The following COL4A4 variants were observed in gnomAD, a reference collection of about 807,000 sequenced individuals.
The protein encoded by COL4A4 is collagen type IV alpha 4 chain.
Under a neutral mutation model 192.9 loss-of-function variants are expected in COL4A4, and 105 were observed. That is an observed-to-expected ratio of 0.54 (90% CI 0.46 to 0.64). The LOEUF (loss-of-function observed/expected upper bound fraction) is 0.64. Among genes scored for constraint, COL4A4 ranks in the 30% least tolerant of loss-of-function variants. COL4A4 has a pLI of 0.00. For missense variants in COL4A4, 1,967 were observed against 2,169.3 expected (o/e 0.91, Z 1.85); for synonymous variants, 762 against 769.9 (o/e 0.99, Z 0.17).
intron 12 of COL4A4, among the ~76,000 whole-genome samples, chr2:227,105,252 G>A (rs948547918): frequency 3.6e-5 from 5 of 139,452 alleles, no homozygotes; most frequent in South Asian, 4.6e-4. Flanking sequence ...GCACAATGGC[G>A]CAATCTCAGC....
intron 9 of COL4A4, among the ~76,000 whole-genome samples, chr2:227,110,830 G>A (rs10181461): frequency 0.2 from 30,188 of 151,436 alleles, 4,900 homozygotes; most frequent in African/African-American, 0.44. Context: ...TTGTAGGTAC[G>A]CGCCACCACG....
Position 227,060,159 on chromosome 2 carries a change from G to C in COL4A4, c.2141C>G (p.Thr714Arg). Residue 714 changes from threonine to arginine, a missense_variant, in exon 27 of 48, where the codon ACA becomes AGA. Transcript: ENST00000396625. The part of the protein sequence containing the change: ...GHKGRPGTPG[T>R]AEIPGPPGFR... ...ACCAGGTGGACCTGGTATTTCCGCT[G>C]TTCCTGGTGTGCCAGGTCTGCCTTT... is the stretch of plus-strand genomic sequence containing the variant. 6.6e-7 allele frequency: 1 copy of C among 1,506,172 alleles called. No individual in the cohort carries two copies. The highest frequency in any genetic ancestry group is 1.8e-5 in the Admixed American group (1 of 55,566). 93.3% of individuals were successfully genotyped at this position (1,506,172 alleles called of 1,614,324 possible). A position where few individuals can be genotyped will look rare whatever the true frequency, so the allele number is the denominator to read the frequency against.
intron 14 of COL4A4, 21 bp from the exon 15 acceptor site, chr2:227,102,869 T>A: frequency 6.3e-7 from 1 of 1,592,074 alleles, no homozygotes; most frequent in Non-Finnish European, 8.6e-7. Flanking sequence ...TGACAACATT[T>A]AGAGGGGTTC....
At chr2:227,147,267 A>T (rs760887407) in intron 2 of COL4A4, 146 bp downstream of exon 2, 1 of 790,718 alleles carries the variant, frequency 1.3e-6, no homozygotes, top group South Asian at 1.3e-5. Flanking sequence ...AATAAAAATG[A>T]GTCATGAAAT....
the COL4A4 span, chr2:226,997,267 T>C: frequency 6.6e-6 from 1 of 152,364 alleles, no homozygotes; most frequent in South Asian, 2.1e-4. Context: ...AATTAAAATA[T>C]TCAAGCTAAA....
At chr2:227,065,291 G>C (rs1038312484) in intron 25 of COL4A4, among the ~76,000 whole-genome samples, 3 of 152,150 alleles carry the variant, frequency 2.0e-5, no homozygotes, top group Non-Finnish European at 4.4e-5. Context: ...AGGCGGCAGC[G>C]AGGCTGGGGG....
At chr2:227,154,969 C>A (rs1187217838) in intron 1 of COL4A4, among the ~76,000 whole-genome samples, 1 of 152,158 alleles carries the variant, frequency 6.6e-6, no homozygotes, top group Non-Finnish European at 1.5e-5. Flanking sequence ...TTGGTTTGAG[C>A]TCTTTAGCAA....
At chr2:227,019,247 A>C (rs1486151701) in intron 44 of COL4A4, among the ~76,000 whole-genome samples, 1 of 152,238 alleles carries the variant, frequency 6.6e-6, no homozygotes, top group African/African-American at 2.4e-5. Flanking sequence ...TGCAGCTAGG[A>C]CTGCCTTGCT....
chr2:227,111,963 T>C (rs1254581447), intron 8 of COL4A4, among the ~76,000 whole-genome samples: 2 of 152,198 alleles, frequency 1.3e-5, no homozygotes, highest in East Asian at 3.8e-4. Flanking sequence ...ATGAGATTTT[T>C]TCTTTGTTTA....
chr2:227,154,151 T>C (rs560024463), intron 1 of COL4A4, among the ~76,000 whole-genome samples: 5 of 152,324 alleles, frequency 3.3e-5, no homozygotes, highest in African/African-American at 1.2e-4. Context: ...ATTCAGCAAA[T>C]ACCATTTTGT....
At chr2:227,087,922 G>T (rs979718426) in intron 22 of COL4A4, among the ~76,000 whole-genome samples, 2 of 151,902 alleles carry the variant, frequency 1.3e-5, no homozygotes, top group African/African-American at 4.8e-5. Flanking sequence ...AGCTACAATC[G>T]ATGGTGATGG....
At chr2:227,008,727 C>T (rs1335647158) in intron 46 of COL4A4, among the ~76,000 whole-genome samples, 1 of 152,184 alleles carries the variant, frequency 6.6e-6, no homozygotes, top group Non-Finnish European at 1.5e-5. Context: ...TTTAGCCAGG[C>T]TTGGAGATGG....
chr2:227,117,505 T>C (rs1017717066), intron 7 of COL4A4, among the ~76,000 whole-genome samples: 1 of 152,162 alleles, frequency 6.6e-6, no homozygotes, highest in Non-Finnish European at 1.5e-5. Flanking sequence ...GAGTTTAGTG[T>C]TCAGATCAGT....
At chr2:226,968,628 A>G in the COL4A4 span, among the ~76,000 whole-genome samples, 1 of 152,222 alleles carries the variant, frequency 6.6e-6, no homozygotes. Context: ...AGAGCATCGC[A>G]CTTGGAGATT....
Position 227,148,736 on chromosome 2 carries a change from A to G in COL4A4, c.-101-1152T>C, listed in dbSNP as rs567713634. On this transcript the variant is annotated intron_variant, in intron 1 of 47. Coordinates refer to ENST00000396625, the MANE Select transcript of COL4A4 (RefSeq NM_000092.5). ...TTTGATAAAAGATATATTTGGCTCA[A>G]ATAATTGAAATGTATCATTTAAAAA... is the stretch of plus-strand genomic sequence containing the variant. Among the ~76,000 whole-genome samples the G allele has an allele frequency of 1.3e-3, 193 of 152,206 alleles. 1 individual carries two copies. Among genetic ancestry groups the G allele is most frequent in the African/African-American group, 4.5e-3 (186 of 41,580 alleles).
chr2:226,972,836 G>GT, the COL4A4 span, among the ~76,000 whole-genome samples: 1 of 151,022 alleles, frequency 6.6e-6, no homozygotes, highest in Non-Finnish European at 1.5e-5. Context: ...TTTTGGTTGG[G>GT]TTATAGGTAA....
At chr2:227,149,860 T>C (rs530690201) in intron 1 of COL4A4, among the ~76,000 whole-genome samples, 11 of 151,728 alleles carry the variant, frequency 7.2e-5, no homozygotes, top group Non-Finnish European at 1.2e-4. Flanking sequence ...GATGGATGGA[T>C]GGATGAATGG....
chr2:227,153,530 T>C (rs1559756724), intron 1 of COL4A4, among the ~76,000 whole-genome samples: 2 of 152,140 alleles, frequency 1.3e-5, no homozygotes, highest in Admixed American at 1.3e-4. Flanking sequence ...GATAAGCCAC[T>C]GACCCAAAGC....
At chr2:226,990,612 T>A in the COL4A4 span, among the ~76,000 whole-genome samples, 1 of 152,168 alleles carries the variant, frequency 6.6e-6, no homozygotes, top group Non-Finnish European at 1.5e-5. Flanking sequence ...TAGCAATTCT[T>A]ATCTGGACAA....
Sources: allele counts gnomAD v4.1 joint callset (sites outside exome capture counted in the v4.1 genomes callset), GRCh38; gene constraint gnomAD v4.1.1; transcripts MANE v1.5; gene names NCBI Gene and HGNC (gene_info 2026-07-23, HGNC 2026-07-21).